TBXA2R: variants seen among roughly 807,000 people sequenced by gnomAD.
TBXA2R encodes the protein thromboxane A2 receptor.
A neutral mutation model predicts 15.6 loss-of-function variants in TBXA2R; 15 were observed. That is an observed-to-expected ratio of 0.96 (90% CI 0.64 to 1.48). TBXA2R has a LOEUF of 1.48. Ranked by LOEUF, TBXA2R falls within the 40% of genes most tolerant of loss-of-function variation. The pLI, the probability that TBXA2R is intolerant of heterozygous loss-of-function variation, is 0.00. For synonymous variants in TBXA2R, 280 were observed against 241.2 expected (o/e 1.16, Z -1.49); for missense variants, 506 against 491.4 (o/e 1.03, Z -0.28).
intron 1 of TBXA2R, among the ~76,000 whole-genome samples, chr19:3,603,427 C>T (rs972500972): frequency 1.3e-5 from 2 of 152,188 alleles, no homozygotes; most frequent in Admixed American, 1.3e-4. Context: ...CTCTGGCGAT[C>T]GTTGCCCTCC....
intron 2 of TBXA2R, among the ~76,000 whole-genome samples, 191 bp downstream of exon 2, chr19:3,599,658 G>A (rs923160668): frequency 6.6e-6 from 1 of 152,060 alleles, no homozygotes; most frequent in Non-Finnish European, 1.5e-5. Context: ...GTAGAGACAG[G>A]GTTTCACCAT....
intron 1 of TBXA2R, among the ~76,000 whole-genome samples, chr19:3,603,535 T>C (rs1443180408): frequency 1.3e-5 from 2 of 152,206 alleles, no homozygotes; most frequent in Non-Finnish European, 2.9e-5. Context: ...GTGCTGTTTC[T>C]GGACATTCCT....
At position 3,606,523 on chromosome 19, in the gene TBXA2R, A is replaced by G. The variant is rs1245793773; in HGVS notation, c.-84+7T>C. On this transcript the variant is annotated splice_region_variant and intron_variant, in intron 1 of 2. Coordinates refer to ENST00000375190, the MANE Select transcript of TBXA2R (RefSeq NM_001060.6). Reference sequence around the variant, plus strand: ...CATCCCGCCCTAAGCCAGCGGGGCGACCTCACCTTCAGAGACCTCATCTGC... The same window carrying G: ...CATCCCGCCCTAAGCCAGCGGGGCGGCCTCACCTTCAGAGACCTCATCTGC... The G allele has an allele frequency of 1.3e-5, 2 of 152,204 alleles. No homozygotes were observed. The highest frequency in any genetic ancestry group is 4.8e-5 in the African/African-American group (2 of 41,396). 9.4% of individuals were successfully genotyped at this position (152,204 alleles called of 1,614,324 possible). A position where few individuals can be genotyped will look rare whatever the true frequency, so the allele number is the denominator to read the frequency against.
In TBXA2R at chr19:3,595,999, G is replaced by C. The variant is rs189968302; in HGVS notation, c.787-66C>G. The C allele has an allele frequency of 5.2e-6, 8 of 1,541,214 alleles. No individual in the cohort carries two copies. The Admixed American group carries it at 7.8e-5, about 15-fold the overall frequency. On this transcript the variant is annotated intron_variant, in intron 2 of 2. Transcript: ENST00000375190. ...GCCCCGCCCGCCCCGGTCCCTGCCC[G>C]GGGTCCCTTGAGATCCAGGGTCCAC...
At chr19:3,596,994 A>T (rs6510762) in intron 2 of TBXA2R, among the ~76,000 whole-genome samples, 1 of 149,620 alleles carries the variant, frequency 6.7e-6, no homozygotes, top group Non-Finnish European at 1.5e-5. Flanking sequence ...GGCTGGAGTG[A>T]AATGGCAGGT....
chr19:3,606,666 A>T lies in TBXA2R; in HGVS notation c.-220T>A, dbSNP rs2032842404. ...GGCTGGGGGCGGGCAGAGGGAGGGG[A>T]AGGACGGGCTCGAGCGGGACCTCCC... On this transcript the variant is annotated 5_prime_UTR_variant, in exon 1 of 3. Transcript: ENST00000375190. The T allele has an allele frequency of 6.6e-6, 1 of 152,202 alleles. No individual in the cohort carries two copies. Among genetic ancestry groups the T allele is most frequent in the African/African-American group, 2.4e-5 (1 of 41,318 alleles). 9.4% of individuals were successfully genotyped at this position (152,202 alleles called of 1,614,324 possible).
At chr19:3,603,944 T>C (rs2032783541) in intron 1 of TBXA2R, among the ~76,000 whole-genome samples, 1 of 152,140 alleles carries the variant, frequency 6.6e-6, no homozygotes, top group Non-Finnish European at 1.5e-5. Context: ...AGAGCAGCAC[T>C]GCGGCTCTTG....
In TBXA2R at chr19:3,595,141, G is replaced by T. The variant is rs906252928; in HGVS notation, c.*547C>A. On this transcript the variant is annotated 3_prime_UTR_variant, in exon 3 of 3. Coordinates refer to ENST00000375190, the MANE Select transcript of TBXA2R (RefSeq NM_001060.6). Reference sequence around the variant, plus strand: ...TGCCTGTGATCCCAGCACTTTGGGAGGCTGAGGCTGGTGAATCACCTGAGG... The same window carrying T: ...TGCCTGTGATCCCAGCACTTTGGGATGCTGAGGCTGGTGAATCACCTGAGG... 35 of 644,290 alleles carry T rather than the reference G, an allele frequency of 5.4e-5. No individual in the cohort carries two copies. In the African/African-American group the frequency reaches 6.4e-4, roughly 12 times the overall value. 39.9% of individuals were successfully genotyped at this position (644,290 alleles called of 1,614,324 possible).
Position 3,594,692 on chromosome 19 carries a change from C to A in TBXA2R, c.*996G>T. 1.5e-6 allele frequency: 1 copy of A among 657,164 alleles called. No individual in the cohort carries two copies. Among genetic ancestry groups the A allele is most frequent in the Non-Finnish European group, 2.5e-6 (1 of 399,840 alleles). The allele number at this position is 657,164 out of a possible 1,614,324, so 40.7% of individuals were successfully genotyped here. A position where few individuals can be genotyped will look rare whatever the true frequency, so the allele number is the denominator to read the frequency against. Reference sequence around the variant, plus strand: ...GAACCGAATCCTCTATGTCCCTCCCCATCCTTCCCAGCCCTGCCCTCGTCT... The same window carrying A: ...GAACCGAATCCTCTATGTCCCTCCCAATCCTTCCCAGCCCTGCCCTCGTCT... On this transcript the variant is annotated 3_prime_UTR_variant, in exon 3 of 3. Transcript: ENST00000375190.
chr19:3,595,193 A>G lies in TBXA2R; in HGVS notation c.*495T>C, dbSNP rs753206493. 9 of 616,628 alleles carry G rather than the reference A, an allele frequency of 1.5e-5. No homozygotes were observed. The highest frequency in any genetic ancestry group is 1.9e-5 in the African/African-American group (1 of 53,754). 38.2% of individuals were successfully genotyped at this position (616,628 alleles called of 1,614,324 possible). On this transcript the variant is annotated 3_prime_UTR_variant, in exon 3 of 3. Transcript: ENST00000375190. Reference sequence around the variant, plus strand: ...CAGGAGTTCAAGACCAGCCTGGCCAACACGGTGAAACCCCGTCTCTACTAA... The same window carrying G: ...CAGGAGTTCAAGACCAGCCTGGCCAGCACGGTGAAACCCCGTCTCTACTAA...
rs967111249 is a variant in TBXA2R at position 3,603,087 on chromosome 19, G to A, written c.-83-2370C>T. On this transcript the variant is annotated intron_variant, in intron 1 of 2. Coordinates refer to ENST00000375190, the MANE Select transcript of TBXA2R (RefSeq NM_001060.6). ...TGATGACGGGAGTGAAGGGATCCACGCGCAGCACTCAGCACAGCACAGCGG... is the reference window on the plus strand; with the variant it reads ...TGATGACGGGAGTGAAGGGATCCACACGCAGCACTCAGCACAGCACAGCGG... 7.3e-5 allele frequency among the ~76,000 whole-genome samples: 11 copies of A among 151,656 alleles called. No individual in the cohort carries two copies. The South Asian group carries it at 8.3e-4, about 11-fold the overall frequency.
chr19:3,601,724 C>T (rs368395944), intron 1 of TBXA2R, among the ~76,000 whole-genome samples: 1 of 151,394 alleles, frequency 6.6e-6, no homozygotes, highest in East Asian at 2.0e-4. Flanking sequence ...GTCAGGAGTT[C>T]GAAACCAGCC....
rs34885751 is a variant in TBXA2R, at chr19:3,595,078, T to TAA, written c.*608_*609dup. The TAA allele has an allele frequency of 0.026, 12,113 of 474,046 alleles. 71 individuals carry two copies. The highest frequency in any genetic ancestry group is 0.053 in the African/African-American group (2,238 of 42,550). 29.4% of individuals were successfully genotyped at this position (474,046 alleles called of 1,614,324 possible). On this transcript the variant is annotated 3_prime_UTR_variant, in exon 3 of 3. Transcript: ENST00000375190. ...CTGGGCCACAGAGTGAGACTCCGTC[T>TAA]AAAAAAAAAAAAAAAAATGGCCAGG... is the stretch of plus-strand genomic sequence containing the variant.
chr19:3,595,897 C>T lies in TBXA2R; in HGVS notation c.823G>A (p.Ala275Thr). The T allele has an allele frequency of 6.2e-7, 1 of 1,605,226 alleles. No individual in the cohort carries two copies. The change falls in exon 3 of 3, where the codon GCC (alanine) becomes ACC (threonine). Residue 275 changes from alanine to threonine, a missense_variant. By Grantham distance (58) the Ala-to-Thr change is moderately conservative. Coordinates refer to ENST00000375190, the MANE Select transcript of TBXA2R (RefSeq NM_001060.6). Reference protein sequence around the residue: ...IAQTVLRNPPAMSPAGQLSRT... With the variant: ...IAQTVLRNPPTMSPAGQLSRT... ...GACAGCTGCCCGGCGGGGCTCATGG[C>T]AGGCGGGTTTCGCAGCACTGTCTGG...
At chr19:3,601,716 C>G (rs1310511358) in intron 1 of TBXA2R, among the ~76,000 whole-genome samples, 1 of 151,288 alleles carries the variant, frequency 6.6e-6, no homozygotes, top group Non-Finnish European at 1.5e-5. Context: ...CATCTGAGGT[C>G]AGGAGTTCGA....
At chr19:3,602,040 T>C (rs1356007476) in intron 1 of TBXA2R, among the ~76,000 whole-genome samples, 1 of 150,352 alleles carries the variant, frequency 6.7e-6, no homozygotes, top group Non-Finnish European at 1.5e-5. Flanking sequence ...GCTAACACAG[T>C]GAAACCCTGT....
rs200561380 is a variant in TBXA2R, at chr19:3,600,307, C to T, written c.328G>A (p.Val110Ile). 9.3e-6 allele frequency: 15 copies of T among 1,612,906 alleles called. No homozygotes were observed. The highest frequency in any genetic ancestry group is 1.3e-5 in the Non-Finnish European group (15 of 1,179,790). Residue 110 changes from valine to isoleucine, a missense_variant, in exon 2 of 3, where the codon GTC becomes ATC. Transcript: ENST00000375190. ...PGCRLCRFMGVVMIFFGLSPL... is the reference protein window; with the variant it reads ...PGCRLCRFMGIVMIFFGLSPL... Reference sequence around the variant, plus strand: ...GACAGGCCGAAGAAGATCATGACGACGCCCATGAAGCGACAGAGACGGCAG... The same window carrying T: ...GACAGGCCGAAGAAGATCATGACGATGCCCATGAAGCGACAGAGACGGCAG...
chr19:3,595,859 C>G lies in TBXA2R; in HGVS notation c.861G>C (p.Glu287Asp). 1 of 1,610,658 alleles carries G rather than the reference C, an allele frequency of 6.2e-7. No individual in the cohort carries two copies. The highest frequency in any genetic ancestry group is 8.5e-7 in the Non-Finnish European group (1 of 1,178,890). ...CGCGCAAGTAGATGAGCAGCTCCTTCTCCGTGGTGCGGGACAGCTGCCCGG... is the reference window on the plus strand; with the variant it reads ...CGCGCAAGTAGATGAGCAGCTCCTTGTCCGTGGTGCGGGACAGCTGCCCGG... ...SPAGQLSRTT[E>D]KELLIYLRVA... The change falls in exon 3 of 3, where the codon GAG becomes GAC. Residue 287 changes from glutamate (E) to aspartate (D), a missense_variant. Transcript: ENST00000375190.
intron 2 of TBXA2R, among the ~76,000 whole-genome samples, chr19:3,596,321 C>T (rs942337094): frequency 6.6e-5 from 10 of 152,162 alleles, no homozygotes; most frequent in African/African-American, 1.4e-4. Flanking sequence ...TGAGCCACTG[C>T]GCCCGGCCAG....
Sources: allele counts gnomAD v4.1 joint callset (sites outside exome capture counted in the v4.1 genomes callset), GRCh38; gene constraint gnomAD v4.1.1; transcripts MANE v1.5; gene names NCBI Gene and HGNC (gene_info 2026-07-23, HGNC 2026-07-21).